TANC1: variants seen among roughly 807,000 people sequenced by gnomAD.
TANC1 encodes protein TANC1.
In TANC1, 77 loss-of-function variants were observed where a neutral mutation model predicts 149.7. The ratio of observed to expected loss-of-function variants is 0.51; its 90% CI spans 0.43 to 0.62. The LOEUF is 0.62. Ranked by LOEUF, TANC1 falls within the 20% of genes least tolerant of loss-of-function variation. TANC1 has a pLI of 0.00. For missense variants in TANC1, 1,985 were observed against 2,321.8 expected, an observed-to-expected ratio of 0.85 and a Z score of 2.98; for synonymous variants, 854 against 925.0, an observed-to-expected ratio of 0.92 and a Z score of 1.39.
At position 158,997,827 on chromosome 2, in the gene TANC1, G is replaced by A. The variant is rs546382445; in HGVS notation, c.-125-3253G>A. Among the ~76,000 whole-genome samples the A allele has an allele frequency of 4.6e-5, 7 of 152,206 alleles. No homozygotes were observed. The East Asian group carries it at 5.8e-4, about 13-fold the overall frequency. On this transcript the variant is annotated intron_variant, in intron 1 of 26. Coordinates refer to ENST00000263635, the MANE Select transcript of TANC1 (RefSeq NM_033394.3). ...GAGTAATGTTTGCAGATACCTCCCC[G>A]TTCACTAGCTAGGCCTTAGCCCTCC...
intron 10 of TANC1, 71 bp from the exon 11 acceptor site, chr2:159,172,050 C>A: frequency 1.4e-6 from 2 of 1,468,376 alleles, no homozygotes; most frequent in Non-Finnish European, 1.9e-6. Flanking sequence ...TGGCACAAAT[C>A]AAGAAATATA....
intron 2 of TANC1, among the ~76,000 whole-genome samples, chr2:159,033,439 C>G (rs2039940481): frequency 6.6e-6 from 1 of 152,204 alleles, no homozygotes; most frequent in South Asian, 2.1e-4. Context: ...GTCTCTTGGG[C>G]TCCAGGTGTG....
At chr2:159,009,877 A>G (rs958005064) in intron 2 of TANC1, among the ~76,000 whole-genome samples, 8 of 141,896 alleles carry the variant, frequency 5.6e-5, no homozygotes, top group Non-Finnish European at 1.1e-4. Context: ...AAAGTTAGCA[A>G]TAATTTACAA....
At chr2:159,222,199 TAGAGA>T (rs1230354866) in intron 22 of TANC1, among the ~76,000 whole-genome samples, 1 of 152,204 alleles carries the variant, frequency 6.6e-6, no homozygotes, top group Non-Finnish European at 1.5e-5. Context: ...TTATCAAAAT[TAGAGA>T]AGAGTGAAGG....
intron 10 of TANC1, 38 bp downstream of exon 10, chr2:159,170,843 A>T (rs749456107): frequency 1.3e-5 from 20 of 1,594,566 alleles, no homozygotes; most frequent in Non-Finnish European, 1.7e-5. Context: ...GTTTATTAAC[A>T]TAAGATAGAT....
intron 3 of TANC1, among the ~76,000 whole-genome samples, chr2:159,079,346 C>CTTTTTTTTTTTTTTTTTTT (rs68143585): frequency 9.1e-6 from 1 of 109,920 alleles, no homozygotes; most frequent in Non-Finnish European, 1.7e-5. Flanking sequence ...GTGTGTGTGT[C>CTTTTTTTTTTTTTTTTTTT]TTTTTTTTTT....
At chr2:159,136,047 T>TGCGCGCGC (rs1553568359) in intron 4 of TANC1, 147 bp from the exon 5 acceptor site, 1 of 209,118 alleles carries the variant, frequency 4.8e-6, no homozygotes. Flanking sequence ...TGTGTGTGTG[T>TGCGCGCGC]GTGCGCGCGC....
intron 2 of TANC1, among the ~76,000 whole-genome samples, chr2:159,040,062 T>C (rs934807291): frequency 3.3e-5 from 5 of 152,234 alleles, no homozygotes; most frequent in South Asian, 2.1e-4. Context: ...ATATTTAGGA[T>C]AGTTAGCTCT....
At chr2:159,105,826 A>G (rs558176808) in intron 4 of TANC1, among the ~76,000 whole-genome samples, 2 of 152,280 alleles carry the variant, frequency 1.3e-5, no homozygotes, top group East Asian at 3.9e-4. Context: ...ATTGTAGATG[A>G]ATTATTATAT....
At chr2:159,020,156 C>T (rs962610123) in intron 2 of TANC1, among the ~76,000 whole-genome samples, 1 of 152,148 alleles carries the variant, frequency 6.6e-6, no homozygotes, top group Non-Finnish European at 1.5e-5. Flanking sequence ...CTCGTTCTAT[C>T]GGCTAGGCTG....
intron 19 of TANC1, among the ~76,000 whole-genome samples, chr2:159,212,630 C>T (rs1362001062): frequency 6.6e-6 from 1 of 152,104 alleles, no homozygotes; most frequent in Admixed American, 6.5e-5. Flanking sequence ...GGCTTAAAAA[C>T]CATCATCCCG....
At chr2:159,093,831 A>G (rs1314854009) in intron 3 of TANC1, among the ~76,000 whole-genome samples, 8 of 151,614 alleles carry the variant, frequency 5.3e-5, no homozygotes, top group African/African-American at 1.7e-4. Context: ...GAAGGTCCTC[A>G]TGCTTACAGC....
intron 16 of TANC1, among the ~76,000 whole-genome samples, chr2:159,190,396 G>T (rs1248917705): frequency 1.3e-5 from 2 of 152,156 alleles, no homozygotes; most frequent in African/African-American, 4.8e-5. Flanking sequence ...GTGGCATTGC[G>T]TGTATTTCCA....
chr2:159,033,758 C>T (rs1031132524), intron 2 of TANC1, among the ~76,000 whole-genome samples: 2 of 152,178 alleles, frequency 1.3e-5, no homozygotes, highest in African/African-American at 4.8e-5. Flanking sequence ...TCTTTCTTAT[C>T]CAGCCTCTGT....
chr2:159,150,343 T>C, intron 6 of TANC1, 27 bp from the exon 7 acceptor site: 1 of 1,605,048 alleles, frequency 6.2e-7, no homozygotes, highest in Non-Finnish European at 8.5e-7. Context: ...TAAGCCGTGC[T>C]AACTCCTCCT....
At chr2:159,195,566 ATATT>A (rs1480182626) in intron 17 of TANC1, among the ~76,000 whole-genome samples, 5 of 152,204 alleles carry the variant, frequency 3.3e-5, no homozygotes, top group Non-Finnish European at 7.3e-5. Flanking sequence ...TTTAATTAGG[ATATT>A]TAAAGTTCAA....
intron 4 of TANC1, among the ~76,000 whole-genome samples, chr2:159,105,196 G>A (rs939321722): frequency 4.0e-5 from 6 of 150,788 alleles, no homozygotes; most frequent in Admixed American, 1.3e-4. Flanking sequence ...GGGTTTCACC[G>A]TGTTAGCCAG....
At chr2:159,190,809 C>T (rs986933116) in intron 16 of TANC1, among the ~76,000 whole-genome samples, 2 of 152,358 alleles carry the variant, frequency 1.3e-5, no homozygotes, top group African/African-American at 2.4e-5. Flanking sequence ...ACCTCGGCCT[C>T]CCAAAGTGTT....
At chr2:159,118,063 G>T (rs1484634290) in intron 4 of TANC1, among the ~76,000 whole-genome samples, 1 of 152,106 alleles carries the variant, frequency 6.6e-6, no homozygotes, top group African/African-American at 2.4e-5. Context: ...AGGTTTTGGG[G>T]CAGAAACCAC....
Sources: allele counts gnomAD v4.1 joint callset (sites outside exome capture counted in the v4.1 genomes callset), GRCh38; gene constraint gnomAD v4.1.1; transcripts MANE v1.5; gene names NCBI Gene and HGNC (gene_info 2026-07-23, HGNC 2026-07-21).